Variants in UBLCP1 observed in about 807,000 individuals in gnomAD.
UBLCP1 encodes the protein ubiquitin-like domain-containing CTD phosphatase 1.
In UBLCP1, 28 loss-of-function variants were observed where a neutral mutation model predicts 42.4. The ratio of observed to expected loss-of-function variants is 0.66; its 90% confidence interval spans 0.49 to 0.90. The LOEUF is 0.90. Among genes scored for constraint, UBLCP1 ranks in the 40% least tolerant of loss-of-function variants. The probability of loss-of-function intolerance (pLI) is 0.00; values close to 1 mark genes in which losing one functional copy is unlikely to be tolerated. For missense variants in UBLCP1, 279 were observed against 374.5 expected, an observed-to-expected ratio of 0.75 and a Z score of 2.10; for synonymous variants, 122 against 120.8, an observed-to-expected ratio of 1.01 and a Z score of -0.07.
intron 2 of UBLCP1, 22 bp from the exon 3 acceptor site, chr5:159,269,886 C>G: frequency 6.3e-7 from 1 of 1,592,640 alleles, no homozygotes; most frequent in Non-Finnish European, 8.6e-7. Context: ...AGTGAGAAAA[C>G]AGTCATTTGC....
intron 9 of UBLCP1, among the ~76,000 whole-genome samples, chr5:159,278,569 G>C (rs116810618): frequency 6.6e-6 from 1 of 151,868 alleles, no homozygotes; most frequent in East Asian, 1.9e-4. Flanking sequence ...GTATTTGTTT[G>C]TTTATTTATT....
chr5:159,275,440 T>G, intron 8 of UBLCP1, 194 bp downstream of exon 8: 3 of 343,432 alleles, frequency 8.7e-6, no homozygotes, highest in East Asian at 6.5e-5. Flanking sequence ...TGAGATGGAG[T>G]CTCATTGTGC....
intron 6 of UBLCP1, among the ~76,000 whole-genome samples, chr5:159,272,428 T>C (rs1295799666): frequency 2.0e-5 from 3 of 151,888 alleles, no homozygotes; most frequent in African/African-American, 7.3e-5. Context: ...TTTTTTTAAC[T>C]AGGCACATAT....
At chr5:159,278,919 CA>C (rs1221247221) in intron 9 of UBLCP1, among the ~76,000 whole-genome samples, 1 of 152,142 alleles carries the variant, frequency 6.6e-6, no homozygotes, top group Non-Finnish European at 1.5e-5. Flanking sequence ...ATGGGCTTCC[CA>C]ACATTGACTT....
chr5:159,275,354 A>G (rs761350993), intron 8 of UBLCP1, 108 bp downstream of exon 8: 1 of 715,822 alleles, frequency 1.4e-6, no homozygotes, highest in Non-Finnish European at 2.2e-6. Flanking sequence ...CTGAGTGAAT[A>G]ATAAAGTGGT....
In UBLCP1 at chr5:159,267,356, T is replaced by G. The variant is rs191111051; in HGVS notation, c.-46-1514T>G. ...CTGTAACCCCTTTGTTTTGGCCAAT[T>G]TCTCCCATTTGGAATGGCTATATTT... On this transcript the variant is annotated intron_variant, in intron 1 of 10. Transcript: ENST00000296786. 1.7e-4 allele frequency among the ~76,000 whole-genome samples: 26 copies of G among 152,298 alleles called. No homozygotes were observed. The East Asian group carries it at 4.6e-3, about 27-fold the overall frequency.
intron 8 of UBLCP1, 194 bp downstream of exon 8, chr5:159,275,440 T>C: frequency 1.2e-5 from 4 of 343,432 alleles, no homozygotes; most frequent in Non-Finnish European, 2.0e-5. Context: ...TGAGATGGAG[T>C]CTCATTGTGC....
chr5:159,271,986 G>A, intron 5 of UBLCP1, 37 bp from the exon 6 acceptor site: 3 of 1,459,136 alleles, frequency 2.1e-6, no homozygotes, highest in Non-Finnish European at 2.9e-6. Context: ...GTTCATGATG[G>A]TAAACTAATA....
chr5:159,264,921 G>A (rs112069676), intron 1 of UBLCP1, among the ~76,000 whole-genome samples: 1 of 152,134 alleles, frequency 6.6e-6, no homozygotes, highest in African/African-American at 2.4e-5. Context: ...ATTAGTGCTG[G>A]TTGCCTTTCT....
intron 7 of UBLCP1, 132 bp from the exon 8 acceptor site, chr5:159,275,016 A>G (rs1028951324): frequency 1.4e-6 from 1 of 721,878 alleles, no homozygotes; most frequent in Admixed American, 2.7e-5. Flanking sequence ...AATACTTCCT[A>G]GTTGTTTAGC....
At chr5:159,283,172 T>C (rs1482982866) in intron 9 of UBLCP1, 40 bp from the exon 10 acceptor site, 6 of 1,569,176 alleles carry the variant, frequency 3.8e-6, no homozygotes, top group Non-Finnish European at 5.2e-6. Flanking sequence ...GTTTTCCTTA[T>C]CACATTGTGA....
chr5:159,269,827 A>G (rs1753441671), intron 2 of UBLCP1, 81 bp from the exon 3 acceptor site: 1 of 1,128,700 alleles, frequency 8.9e-7, no homozygotes, highest in Admixed American at 2.3e-5. Flanking sequence ...CAAACCTTTT[A>G]ATGTTAGGGT....
At chr5:159,283,112 G>C in intron 9 of UBLCP1, 100 bp from the exon 10 acceptor site, 1 of 1,179,960 alleles carries the variant, frequency 8.5e-7, no homozygotes. Flanking sequence ...TGTTCTTGGT[G>C]ATATTTTAAC....
rs1181019462 is a variant in UBLCP1, at chr5:159,285,235, CACACACACAAA to C, written c.*305_*315del. ...ACACACACACACACACACACACACA[CACACACACAAA>C]GTGGAGAAAAATGTATACTCAACAA... On this transcript the variant is annotated 3_prime_UTR_variant, in exon 11 of 11. Coordinates refer to ENST00000296786, the MANE Select transcript of UBLCP1 (RefSeq NM_145049.5). 5.0e-3 allele frequency: 1,213 copies of C among 240,406 alleles called. 29 individuals are homozygous for C. Among genetic ancestry groups the C allele is most frequent in the African/African-American group, 0.027 (1,037 of 37,870 alleles). The allele number at this position is 240,406 out of a possible 1,614,324, so 14.9% of individuals were successfully genotyped here.
At chr5:159,278,868 G>C (rs6893879) in intron 9 of UBLCP1, among the ~76,000 whole-genome samples, 2 of 151,994 alleles carry the variant, frequency 1.3e-5, no homozygotes, top group Non-Finnish European at 2.9e-5. Context: ...CACTGCGCCC[G>C]GCCCAAGTGT....
At chr5:159,273,710 C>A (rs1753499041) in intron 6 of UBLCP1, among the ~76,000 whole-genome samples, 1 of 151,952 alleles carries the variant, frequency 6.6e-6, no homozygotes, top group South Asian at 2.1e-4. Context: ...ATACAATAGT[C>A]TTTAAAATTT....
chr5:159,276,334 G>C (rs1012745224), intron 8 of UBLCP1, among the ~76,000 whole-genome samples: 1 of 152,056 alleles, frequency 6.6e-6, no homozygotes, highest in Non-Finnish European at 1.5e-5. Context: ...AGGAATTGAG[G>C]AGAACTTAGG....
chr5:159,277,983 C>G (rs1301233377), intron 8 of UBLCP1, among the ~76,000 whole-genome samples: 1 of 152,198 alleles, frequency 6.6e-6, no homozygotes, highest in Non-Finnish European at 1.5e-5. Flanking sequence ...TACCCAAAAT[C>G]TTCACGTTAA....
At chr5:159,278,049 A>G (rs1753558833) in intron 8 of UBLCP1, among the ~76,000 whole-genome samples, 189 bp from the exon 9 acceptor site, 1 of 152,208 alleles carries the variant, frequency 6.6e-6, no homozygotes, top group Admixed American at 6.5e-5. Context: ...CAAACCTTTC[A>G]GAAGTTTTAA....
Sources: allele counts gnomAD v4.1 joint callset (sites outside exome capture counted in the v4.1 genomes callset), GRCh38; gene constraint gnomAD v4.1.1; transcripts MANE v1.5; gene names NCBI Gene and HGNC (gene_info 2026-07-23, HGNC 2026-07-21).